SCD5: variants seen among roughly 807,000 people sequenced by gnomAD.
SCD5 encodes acyl-CoA-desaturase 4.
SCD5 carries 20 observed loss-of-function variants against 30.4 expected under a neutral mutation model. That is an observed-to-expected ratio of 0.66 (90% CI 0.46 to 0.96). The LOEUF (loss-of-function observed/expected upper bound fraction) is 0.96. Ranked by LOEUF, SCD5 falls within the 40% of genes least tolerant of loss-of-function variation. The pLI is 0.00. For missense variants in SCD5, 381 were observed against 443.3 expected (o/e 0.86, Z 1.26); for synonymous variants, 173 against 176.4 (o/e 0.98, Z 0.16).
intron 1 of SCD5, among the ~76,000 whole-genome samples, chr4:82,796,723 C>G (rs1343807745): frequency 1.3e-5 from 2 of 152,162 alleles, no homozygotes; most frequent in Non-Finnish European, 2.9e-5. Flanking sequence ...GAGGACCAAG[C>G]CCAGCCCTGC....
At chr4:82,790,109 G>T (rs1355486012) in intron 1 of SCD5, among the ~76,000 whole-genome samples, 1 of 152,136 alleles carries the variant, frequency 6.6e-6, no homozygotes, top group Non-Finnish European at 1.5e-5. Context: ...TAAAGAGTCA[G>T]GGACACTGGC....
At chr4:82,660,833 C>T (rs759239846) in intron 3 of SCD5, 11 of 1,613,018 alleles carry the variant, frequency 6.8e-6, no homozygotes, top group Middle Eastern at 1.7e-4. Flanking sequence ...TTATTCTATA[C>T]GTTATCACCA....
chr4:82,656,191 G>A (rs1282572988), intron 3 of SCD5, among the ~76,000 whole-genome samples: 1 of 151,980 alleles, frequency 6.6e-6, no homozygotes, highest in East Asian at 1.9e-4. Context: ...GTGGTTTGCT[G>A]CACCCATCAA....
At chr4:82,680,173 A>G (rs997881813) in intron 3 of SCD5, among the ~76,000 whole-genome samples, 2 of 152,216 alleles carry the variant, frequency 1.3e-5, no homozygotes, top group Non-Finnish European at 2.9e-5. Flanking sequence ...ATCAGGGCAT[A>G]TGAGTGCTTT....
chr4:82,768,519 A>C (rs1332376219), intron 1 of SCD5, among the ~76,000 whole-genome samples: 1 of 152,216 alleles, frequency 6.6e-6, no homozygotes, highest in Admixed American at 6.5e-5. Context: ...AGGTAAGGCA[A>C]AGTTGATGAT....
At chr4:82,644,534 A>G (rs1240154046) in intron 3 of SCD5, among the ~76,000 whole-genome samples, 1 of 152,216 alleles carries the variant, frequency 6.6e-6, no homozygotes, top group Non-Finnish European at 1.5e-5. Context: ...TAACTGAATG[A>G]TATTTTGGTT....
At chr4:82,780,784 G>A (rs947536192) in intron 1 of SCD5, among the ~76,000 whole-genome samples, 2 of 152,356 alleles carry the variant, frequency 1.3e-5, no homozygotes, top group African/African-American at 4.8e-5. Flanking sequence ...TCAACCTTCA[G>A]ACTGAAGAAA....
intron 1 of SCD5, among the ~76,000 whole-genome samples, chr4:82,724,093 GT>G (rs1340514006): frequency 2.0e-5 from 3 of 152,184 alleles, no homozygotes; most frequent in African/African-American, 7.2e-5. Context: ...TATGGCAAAT[GT>G]TAATAATTAT....
At chr4:82,664,137 C>T (rs180881297) in intron 3 of SCD5, among the ~76,000 whole-genome samples, 34 of 152,178 alleles carry the variant, frequency 2.2e-4, no homozygotes, top group Admixed American at 1.8e-3. Flanking sequence ...AGCTAAAAGC[C>T]GAGGGTACAG....
intron 1 of SCD5, among the ~76,000 whole-genome samples, chr4:82,797,741 C>A (rs1405864415): frequency 1.3e-5 from 2 of 152,008 alleles, no homozygotes; most frequent in Non-Finnish European, 1.5e-5. Flanking sequence ...CTTGGAGAGG[C>A]AAGAGGGGAA....
chr4:82,746,057 A>G (rs965147576), intron 1 of SCD5, among the ~76,000 whole-genome samples: 2 of 152,242 alleles, frequency 1.3e-5, no homozygotes, highest in African/African-American at 4.8e-5. Context: ...CTGGCTCACA[A>G]TAAGTGCTAT....
intron 1 of SCD5, among the ~76,000 whole-genome samples, chr4:82,729,842 A>C (rs541090142): frequency 3.3e-5 from 5 of 152,330 alleles, no homozygotes; most frequent in African/African-American, 9.6e-5. Flanking sequence ...GACCCTTACC[A>C]GCCCGGAGAG....
intron 3 of SCD5, among the ~76,000 whole-genome samples, chr4:82,641,424 G>A (rs6847355): frequency 0.1 from 15,743 of 152,014 alleles, 990 homozygotes; most frequent in African/African-American, 0.17. Context: ...GTAAATACCA[G>A]GAAGAAAAAA....
chr4:82,732,632 C>G (rs2148836129), intron 1 of SCD5, among the ~76,000 whole-genome samples: 1 of 152,270 alleles, frequency 6.6e-6, no homozygotes, highest in African/African-American at 2.4e-5. Context: ...ACCTCCCACC[C>G]TGAGGTAGAA....
chr4:82,716,246 G>T (rs17006155), intron 1 of SCD5, among the ~76,000 whole-genome samples: 1 of 151,614 alleles, frequency 6.6e-6, no homozygotes, highest in Non-Finnish European at 1.5e-5. Context: ...AAGAACTCAC[G>T]GAGAATGTCA....
rs550284066 is a variant in SCD5, at chr4:82,758,705, T to C, written c.232+39601A>G. 9.9e-5 allele frequency among the ~76,000 whole-genome samples: 15 copies of C among 152,124 alleles called. No individual in the cohort carries two copies. In the East Asian group the frequency reaches 1.7e-3, roughly 18 times the overall value. ...TGGTGCGGGTGAGGGACACAGGCTC[T>C]GTGAGCATGGGCCGGGAGGGCGGGC... On this transcript the variant is annotated intron_variant, in intron 1 of 4. Transcript: ENST00000319540.
chr4:82,635,394 C>T (rs897154475), intron 4 of SCD5, among the ~76,000 whole-genome samples: 4 of 151,932 alleles, frequency 2.6e-5, no homozygotes, highest in African/African-American at 9.7e-5. Context: ...CCGAGGCAGG[C>T]GGATCATGAG....
At chr4:82,762,102 G>A (rs114308913) in intron 1 of SCD5, among the ~76,000 whole-genome samples, 13,240 of 148,846 alleles carry the variant, frequency 0.089, 612 homozygotes, top group South Asian at 0.11. Context: ...TGAGCCCAGG[G>A]AGTAGAGGCT....
chr4:82,706,396 T>C (rs1313102249), intron 1 of SCD5, among the ~76,000 whole-genome samples: 1 of 152,268 alleles, frequency 6.6e-6, no homozygotes, highest in African/African-American at 2.4e-5. Context: ...CATTGTCTTG[T>C]CCTTTTGGGA....
Sources: gnomAD v4.1 joint callset for allele counts (sites outside exome capture counted in the v4.1 genomes callset) on GRCh38, gnomAD v4.1.1 for gene constraint, MANE v1.5 for transcripts, NCBI Gene and HGNC (gene_info 2026-07-23, HGNC 2026-07-21) for gene names.